The following ATG10 variants were observed in gnomAD, a reference collection of about 807,000 sequenced individuals.
The protein encoded by ATG10 is ubiquitin-like-conjugating enzyme ATG10.
In ATG10, 30 loss-of-function variants were observed where a neutral mutation model predicts 32.1. The observed-to-expected ratio is 0.94, with a 90% CI of 0.70 to 1.27. ATG10 has a LOEUF of 1.27. Ranked by LOEUF, ATG10 falls within the 50% of genes most tolerant of loss-of-function variation. The pLI, the probability that ATG10 is intolerant of heterozygous loss-of-function variation, is 0.00. For missense variants in ATG10, 233 were observed against 262.3 expected (o/e 0.89, Z 0.77); for synonymous variants, 87 against 91.5 (o/e 0.95, Z 0.28).
At chr5:81,990,749 G>C (rs1466457671) in intron 2 of ATG10, among the ~76,000 whole-genome samples, 1 of 152,154 alleles carries the variant, frequency 6.6e-6, no homozygotes, top group East Asian at 1.9e-4. Flanking sequence ...AGGCTTCCAG[G>C]GACAGATCAA....
intron 3 of ATG10, among the ~76,000 whole-genome samples, chr5:82,066,948 G>A (rs1171253875): frequency 6.6e-6 from 1 of 152,168 alleles, no homozygotes; most frequent in Non-Finnish European, 1.5e-5. Flanking sequence ...GATTACCTCT[G>A]TATTTGGGAA....
At chr5:82,047,710 T>C (rs183164756) in intron 2 of ATG10, among the ~76,000 whole-genome samples, 1 of 152,266 alleles carries the variant, frequency 6.6e-6, no homozygotes, top group East Asian at 1.9e-4. Flanking sequence ...GGAAGCAGTG[T>C]TATACTACTC....
At chr5:81,976,010 T>C (rs1012598043) in intron 1 of ATG10, among the ~76,000 whole-genome samples, 21 of 150,720 alleles carry the variant, frequency 1.4e-4, no homozygotes, top group Admixed American at 5.9e-4. Context: ...TTTATCTTTT[T>C]TTTTTTTTGA....
chr5:82,069,728 T>A (rs1444912618), intron 3 of ATG10, among the ~76,000 whole-genome samples: 1 of 152,202 alleles, frequency 6.6e-6, no homozygotes, highest in Admixed American at 6.6e-5. Context: ...TATTTTGTCA[T>A]TATCAGTTTA....
rs559255825 is a variant in ATG10, at chr5:81,979,389, G to A, written c.-13+7083G>A. 1.3e-3 allele frequency among the ~76,000 whole-genome samples: 203 copies of A among 152,220 alleles called. 1 individual carries two copies. The highest frequency in any genetic ancestry group is 3.4e-3 in the Middle Eastern group (1 of 294). ...AAAAAATACAAAAAATTAGCTGGGC[G>A]TGGTGGCGGGCCCCTGTAGTCCTAG... On this transcript the variant is annotated intron_variant, in intron 1 of 7. Coordinates refer to ENST00000282185, the MANE Select transcript of ATG10 (RefSeq NM_031482.5).
At chr5:82,084,453 C>A (rs560284506) in intron 3 of ATG10, among the ~76,000 whole-genome samples, 1 of 152,208 alleles carries the variant, frequency 6.6e-6, no homozygotes, top group African/African-American at 2.4e-5. Flanking sequence ...CAAGGCAGGC[C>A]AACATTCAAA....
rs534918099 is a variant in ATG10, at chr5:82,173,292, T to G, written c.356-5198T>G. Reference sequence around the variant, plus strand: ...ATGAAAACTAATAGCCCTGAGAAATTTAATTTAGAAAGCTGCACATTTTGA... The same window carrying G: ...ATGAAAACTAATAGCCCTGAGAAATGTAATTTAGAAAGCTGCACATTTTGA... On this transcript the variant is annotated intron_variant, in intron 4 of 7. Transcript: ENST00000282185. Among the ~76,000 whole-genome samples the G allele has an allele frequency of 2.4e-4, 36 of 152,334 alleles. 1 individual carries two copies. In the East Asian group the frequency reaches 6.4e-3, roughly 27 times the overall value.
intron 2 of ATG10, among the ~76,000 whole-genome samples, chr5:82,003,586 G>A (rs1459175010): frequency 6.6e-6 from 1 of 152,176 alleles, no homozygotes; most frequent in Non-Finnish European, 1.5e-5. Context: ...AACAATGGAT[G>A]TAATTGTTTG....
At chr5:82,160,223 G>C (rs1743259150) in intron 3 of ATG10, among the ~76,000 whole-genome samples, 1 of 152,140 alleles carries the variant, frequency 6.6e-6, no homozygotes, top group Non-Finnish European at 1.5e-5. Context: ...TGCGGTTTTT[G>C]ACTTCAAAAG....
At chr5:82,118,417 T>TATATATATATTATA (rs1472778722) in intron 3 of ATG10, among the ~76,000 whole-genome samples, 1 of 141,198 alleles carries the variant, frequency 7.1e-6, no homozygotes, top group Non-Finnish European at 1.5e-5. Context: ...TATGTATATA[T>TATATATATATTATA]TCCCTAGCAC....
chr5:82,199,200 A>C (rs946659391), intron 5 of ATG10, among the ~76,000 whole-genome samples: 1 of 152,230 alleles, frequency 6.6e-6, no homozygotes, highest in Non-Finnish European at 1.5e-5. Context: ...AATTGAGTAA[A>C]CATTTTCCTG....
At chr5:82,063,451 A>G (rs1056847066) in intron 3 of ATG10, among the ~76,000 whole-genome samples, 2 of 152,156 alleles carry the variant, frequency 1.3e-5, no homozygotes, top group African/African-American at 4.8e-5. Context: ...GATAAGGAAC[A>G]GCCATCTACT....
In ATG10 at chr5:82,017,171, G is replaced by A. The variant is rs185598907; in HGVS notation, c.108+29493G>A. On this transcript the variant is annotated intron_variant, in intron 2 of 7. Transcript: ENST00000282185. ...ATTTTATCTCTTTTTTTTTTTTTGC[G>A]GCTATTGTAAAAGGGGTTGAGTTCT... Among the ~76,000 whole-genome samples, 1,179 of 147,452 alleles carry A rather than the reference G, an allele frequency of 8.0e-3. 10 individuals are homozygous for A. The highest frequency in any genetic ancestry group is 0.021 in the Middle Eastern group (6 of 290).
At chr5:82,160,266 AT>A (rs1306600666) in intron 3 of ATG10, among the ~76,000 whole-genome samples, 1 of 152,234 alleles carries the variant, frequency 6.6e-6, no homozygotes, top group Non-Finnish European at 1.5e-5. Context: ...TATAAGTGGA[AT>A]CATACGGTAT....
intron 2 of ATG10, among the ~76,000 whole-genome samples, chr5:82,025,400 G>T (rs964877218): frequency 3.3e-5 from 5 of 152,172 alleles, no homozygotes; most frequent in Admixed American, 6.5e-5. Flanking sequence ...TATGAGGGTG[G>T]GGTGTGCTAG....
chr5:82,020,445 C>T (rs1762404057), intron 2 of ATG10, among the ~76,000 whole-genome samples: 1 of 152,168 alleles, frequency 6.6e-6, no homozygotes, highest in South Asian at 2.1e-4. Context: ...TTAAGCATCC[C>T]TAATATATCG....
intron 5 of ATG10, among the ~76,000 whole-genome samples, chr5:82,190,289 T>A (rs1370625183): frequency 6.6e-6 from 1 of 151,980 alleles, no homozygotes; most frequent in Non-Finnish European, 1.5e-5. Context: ...GTTACCACTG[T>A]TAACCTTTCA....
At chr5:82,047,661 T>G (rs1237089839) in intron 2 of ATG10, among the ~76,000 whole-genome samples, 2 of 152,148 alleles carry the variant, frequency 1.3e-5, no homozygotes, top group East Asian at 3.8e-4. Context: ...CCTCGGGGCC[T>G]CTGTCCTTGC....
chr5:82,017,493 G>A (rs1762322397), intron 2 of ATG10, among the ~76,000 whole-genome samples: 2 of 152,108 alleles, frequency 1.3e-5, no homozygotes, highest in Admixed American at 1.3e-4. Flanking sequence ...AATTCTCAGG[G>A]GGAATGCTTT....
Sources: gnomAD v4.1 joint callset for allele counts (sites outside exome capture counted in the v4.1 genomes callset) on GRCh38, gnomAD v4.1.1 for gene constraint, MANE v1.5 for transcripts, NCBI Gene and HGNC (gene_info 2026-07-23, HGNC 2026-07-21) for gene names.